SEZ6L: variants seen among roughly 807,000 people sequenced by gnomAD.
SEZ6L encodes seizure related 6 homolog like, also known as seizure 6-like protein.
SEZ6L carries 37 observed loss-of-function variants against 106.2 expected under a neutral mutation model. The observed-to-expected ratio is 0.35, with a 90% CI of 0.27 to 0.46. The LOEUF (loss-of-function observed/expected upper bound fraction) is 0.46, where lower values mean the gene tolerates loss of function less well. SEZ6L is among the 20% of genes least tolerant of loss of function. The pLI, the probability that SEZ6L is intolerant of heterozygous loss-of-function variation, is 1.00. For missense variants in SEZ6L, 1,172 were observed against 1,332.8 expected (o/e 0.88, Z 1.88); for synonymous variants, 541 against 570.4 (o/e 0.95, Z 0.73).
intron 12 of SEZ6L, 117 bp downstream of exon 12, chr22:26,351,360 T>C (rs538283919): frequency 2.8e-5 from 22 of 797,236 alleles, no homozygotes; most frequent in Admixed American, 5.4e-5. Context: ...GGGGCTTTTA[T>C]TATCATTACT....
At chr22:26,258,919 C>A (rs2079911043) in intron 1 of SEZ6L, among the ~76,000 whole-genome samples, 1 of 152,140 alleles carries the variant, frequency 6.6e-6, no homozygotes, top group African/African-American at 2.4e-5. Flanking sequence ...GAAAAATCAT[C>A]ATGGAAGGAG....
At position 26,382,680 on chromosome 22, in the gene SEZ6L, G is replaced by A. The variant is rs2084446680; in HGVS notation, c.*2385G>A. The A allele has an allele frequency of 6.6e-6, 1 of 152,056 alleles. No individual in the cohort carries two copies. Among genetic ancestry groups the A allele is most frequent in the Non-Finnish European group, 1.5e-5 (1 of 68,012 alleles). 9.4% of individuals were successfully genotyped at this position (152,056 alleles called of 1,614,324 possible). ...ATGTACAGTGTGATTGAAAAGACAG[G>A]TTGGTGTCTATTTTTCTTTTTAAAA... On this transcript the variant is annotated 3_prime_UTR_variant, in exon 17 of 17. Coordinates refer to ENST00000248933, the MANE Select transcript of SEZ6L (RefSeq NM_021115.5).
intron 1 of SEZ6L, among the ~76,000 whole-genome samples, chr22:26,289,104 T>C (rs1298962888): frequency 6.6e-6 from 1 of 152,224 alleles, no homozygotes; most frequent in Non-Finnish European, 1.5e-5. Context: ...ATAGAGAAGA[T>C]GCAGAGAAGA....
At chr22:26,296,771 G>A (rs530252495) in intron 3 of SEZ6L, 117 bp from the exon 4 acceptor site, 45 of 848,558 alleles carry the variant, frequency 5.3e-5, no homozygotes, top group East Asian at 2.6e-4. Context: ...CAGGGGTCCC[G>A]TTGACCAGGG....
chr22:26,232,098 A>G (rs1478684577), intron 1 of SEZ6L, among the ~76,000 whole-genome samples: 3 of 152,112 alleles, frequency 2.0e-5, no homozygotes, highest in Non-Finnish European at 4.4e-5. Flanking sequence ...TCAGGTATGA[A>G]ATGGGGCTCA....
chr22:26,326,858 C>A (rs2082320231), intron 9 of SEZ6L, among the ~76,000 whole-genome samples: 1 of 152,172 alleles, frequency 6.6e-6, no homozygotes, highest in Non-Finnish European at 1.5e-5. Context: ...ATGGCCGAGG[C>A]CTGGGGAAGC....
intron 1 of SEZ6L, among the ~76,000 whole-genome samples, chr22:26,172,917 G>A (rs1938723088): frequency 6.6e-6 from 1 of 152,196 alleles, no homozygotes; most frequent in Non-Finnish European, 1.5e-5. Context: ...ACATCCAAGA[G>A]GCTGTGGAAA....
At chr22:26,348,576 A>AAG (rs1478726014) in intron 11 of SEZ6L, among the ~76,000 whole-genome samples, 5 of 99,960 alleles carry the variant, frequency 5.0e-5, no homozygotes, top group Admixed American at 1.1e-4. Flanking sequence ...GAAAGAAAGA[A>AAG]AGAAAGAAAG....
At position 26,310,846 on chromosome 22, in the gene SEZ6L, C is replaced by A. The variant is rs1330269921; in HGVS notation, c.1681+10C>A. On this transcript the variant is annotated intron_variant, in intron 7 of 16. Coordinates refer to ENST00000248933, the MANE Select transcript of SEZ6L (RefSeq NM_021115.5). Reference sequence around the variant, plus strand: ...AACATCCGATTTGAAGGTGAGGGTCCCTGGGAGCTTCCCTTTCTCTTGTGG... The same window carrying A: ...AACATCCGATTTGAAGGTGAGGGTCACTGGGAGCTTCCCTTTCTCTTGTGG... The A allele has an allele frequency of 6.2e-7, 1 of 1,612,694 alleles. No homozygotes were observed. The highest frequency in any genetic ancestry group is 8.5e-7 in the Non-Finnish European group (1 of 1,179,472).
At chr22:26,280,110 CAT>C (rs2080712789) in intron 1 of SEZ6L, among the ~76,000 whole-genome samples, 1 of 152,190 alleles carries the variant, frequency 6.6e-6, no homozygotes, top group South Asian at 2.1e-4. Flanking sequence ...AAATGTTACA[CAT>C]GTGAGGGCTG....
At chr22:26,238,380 G>A (rs915811039) in intron 1 of SEZ6L, among the ~76,000 whole-genome samples, 6 of 152,226 alleles carry the variant, frequency 3.9e-5, no homozygotes, top group South Asian at 2.1e-4. Flanking sequence ...GAAGACAAAA[G>A]TTGAGGAACC....
intron 9 of SEZ6L, among the ~76,000 whole-genome samples, chr22:26,316,313 C>A (rs901203970): frequency 2.0e-5 from 3 of 152,150 alleles, no homozygotes; most frequent in African/African-American, 7.2e-5. Flanking sequence ...TGTGTACCTA[C>A]CGTGTGCCAG....
At chr22:26,232,527 A>G (rs892954507) in intron 1 of SEZ6L, among the ~76,000 whole-genome samples, 1 of 152,228 alleles carries the variant, frequency 6.6e-6, no homozygotes, top group African/African-American at 2.4e-5. Flanking sequence ...GCCCACATAT[A>G]CAATGGGGAT....
intron 9 of SEZ6L, among the ~76,000 whole-genome samples, chr22:26,334,660 A>G (rs2082590839): frequency 6.6e-6 from 1 of 152,186 alleles, no homozygotes; most frequent in African/African-American, 2.4e-5. Flanking sequence ...GAGAAAGGTG[A>G]TGATGGTCTG....
At chr22:26,177,815 A>G (rs1939120914) in intron 1 of SEZ6L, among the ~76,000 whole-genome samples, 1 of 152,136 alleles carries the variant, frequency 6.6e-6, no homozygotes, top group Admixed American at 6.5e-5. Context: ...TGTCTGTAAT[A>G]TTAATCAGAT....
intron 5 of SEZ6L, 81 bp from the exon 6 acceptor site, chr22:26,305,898 C>G: frequency 7.2e-7 from 1 of 1,381,546 alleles, no homozygotes; most frequent in Non-Finnish European, 1.0e-6. Flanking sequence ...TTCTCTCTCT[C>G]TCTCTCTTTC....
At chr22:26,274,066 G>A (rs770028598) in intron 1 of SEZ6L, among the ~76,000 whole-genome samples, 25 of 152,094 alleles carry the variant, frequency 1.6e-4, no homozygotes, top group Non-Finnish European at 3.1e-4. Context: ...GATCTGGAAG[G>A]GTTATTAGAG....
At chr22:26,261,252 T>C (rs1004213830) in intron 1 of SEZ6L, among the ~76,000 whole-genome samples, 24 of 152,204 alleles carry the variant, frequency 1.6e-4, no homozygotes, top group African/African-American at 5.8e-4. Context: ...GTCTCACCTA[T>C]TTATCTTTGT....
chr22:26,288,631 T>A (rs996784498), intron 1 of SEZ6L, among the ~76,000 whole-genome samples: 1 of 152,236 alleles, frequency 6.6e-6, no homozygotes, highest in Admixed American at 6.5e-5. Context: ...ACTTTGATCA[T>A]TCATAAAATA....
Sources: allele counts gnomAD v4.1 joint callset (sites outside exome capture counted in the v4.1 genomes callset), GRCh38; gene constraint gnomAD v4.1.1; transcripts MANE v1.5; gene names NCBI Gene and HGNC (gene_info 2026-07-23, HGNC 2026-07-21).